The following CAMK1D variants were observed in gnomAD, a reference collection of about 807,000 sequenced individuals.
CAMK1D encodes the protein calcium/calmodulin dependent protein kinase ID, also known as calcium/calmodulin-dependent protein kinase type 1D.
A neutral mutation model predicts 47.7 loss-of-function variants in CAMK1D; 9 were observed. The observed-to-expected ratio is 0.19, with a 90% CI of 0.11 to 0.33. The LOEUF (loss-of-function observed/expected upper bound fraction) is 0.33. Among genes scored for constraint, CAMK1D ranks in the 10% least tolerant of loss-of-function variants. CAMK1D has a pLI of 1.00. For synonymous variants in CAMK1D, 184 were observed against 184.9 expected (o/e 0.99, Z 0.04); for missense variants, 291 against 488.7 (o/e 0.60, Z 3.81).
At chr10:12,619,074 T>C (rs921309555) in intron 2 of CAMK1D, among the ~76,000 whole-genome samples, 4 of 152,236 alleles carry the variant, frequency 2.6e-5, no homozygotes, top group African/African-American at 4.8e-5. Context: ...AATCTTTGCA[T>C]GTAGCAGGAG....
intron 1 of CAMK1D, among the ~76,000 whole-genome samples, chr10:12,478,437 G>T (rs1434327300): frequency 1.3e-5 from 2 of 152,022 alleles, no homozygotes; most frequent in Non-Finnish European, 2.9e-5. Flanking sequence ...GAGTACCTGG[G>T]ACTACAGACA....
chr10:12,516,730 C>T (rs1204761459), intron 1 of CAMK1D, among the ~76,000 whole-genome samples: 1 of 152,192 alleles, frequency 6.6e-6, no homozygotes, highest in Non-Finnish European at 1.5e-5. Context: ...TTTCAATTCC[C>T]TAATAACTTA....
intron 2 of CAMK1D, among the ~76,000 whole-genome samples, chr10:12,616,734 G>C (rs191281841): frequency 3.3e-5 from 5 of 152,236 alleles, no homozygotes; most frequent in Admixed American, 6.5e-5. Flanking sequence ...AGCCAGGATG[G>C]TCTCGATCTC....
chr10:12,572,674 C>T (rs1588647673), intron 2 of CAMK1D, among the ~76,000 whole-genome samples: 1 of 152,232 alleles, frequency 6.6e-6, no homozygotes, highest in East Asian at 1.9e-4. Flanking sequence ...CTCTGTCGCC[C>T]AGGCTGGAGT....
At chr10:12,377,152 C>A (rs1244748854) in intron 1 of CAMK1D, among the ~76,000 whole-genome samples, 1 of 152,046 alleles carries the variant, frequency 6.6e-6, no homozygotes, top group Non-Finnish European at 1.5e-5. Context: ...ATCCAGAGAA[C>A]CCTGAGATTT....
chr10:12,798,905 A>G (rs1838306341), intron 6 of CAMK1D, among the ~76,000 whole-genome samples: 1 of 152,216 alleles, frequency 6.6e-6, no homozygotes, highest in South Asian at 2.1e-4. Context: ...GGAGGTGCAC[A>G]GCAGCAGCAC....
intron 1 of CAMK1D, among the ~76,000 whole-genome samples, chr10:12,391,502 A>G (rs1466297100): frequency 1.3e-5 from 2 of 151,594 alleles, no homozygotes; most frequent in Non-Finnish European, 2.9e-5. Flanking sequence ...TGCCTGTGGA[A>G]ATTCATGCTG....
chr10:12,593,522 G>A (rs949958738), intron 2 of CAMK1D, among the ~76,000 whole-genome samples: 5 of 151,990 alleles, frequency 3.3e-5, no homozygotes, highest in African/African-American at 7.3e-5. Flanking sequence ...CCCGGGAGGC[G>A]GAGGTTGCGA....
chr10:12,488,765 C>T (rs374543539), intron 1 of CAMK1D, among the ~76,000 whole-genome samples: 66 of 152,194 alleles, frequency 4.3e-4, no homozygotes, highest in African/African-American at 1.5e-3. Flanking sequence ...ACCTAGATCC[C>T]TCGCGTGCGC....
intron 3 of CAMK1D, among the ~76,000 whole-genome samples, chr10:12,679,124 C>T (rs1013227771): frequency 6.6e-6 from 1 of 152,132 alleles, no homozygotes. Context: ...GCATTTTAGC[C>T]AATATGAGTG....
chr10:12,528,392 T>C (rs538457235), intron 1 of CAMK1D, among the ~76,000 whole-genome samples: 2 of 152,370 alleles, frequency 1.3e-5, no homozygotes, highest in East Asian at 3.9e-4. Context: ...GTCAGAATTA[T>C]ATTCATTCTG....
At chr10:12,384,969 A>G (rs1161380595) in intron 1 of CAMK1D, among the ~76,000 whole-genome samples, 1 of 152,246 alleles carries the variant, frequency 6.6e-6, no homozygotes, top group African/African-American at 2.4e-5. Context: ...AAGGATATGA[A>G]TAGGCATTTC....
intron 1 of CAMK1D, among the ~76,000 whole-genome samples, chr10:12,505,871 C>A (rs1189707140): frequency 6.6e-6 from 1 of 152,142 alleles, no homozygotes; most frequent in Non-Finnish European, 1.5e-5. Context: ...CCTCCTCCTC[C>A]TCCTCCTCCT....
chr10:12,751,980 A>G (rs544148508), intron 3 of CAMK1D, among the ~76,000 whole-genome samples: 1 of 150,786 alleles, frequency 6.6e-6, no homozygotes, highest in South Asian at 2.1e-4. Flanking sequence ...TCTTTCTTGG[A>G]TTATCTTTTT....
chr10:12,464,544 C>T (rs889001569), intron 1 of CAMK1D, among the ~76,000 whole-genome samples: 1 of 152,054 alleles, frequency 6.6e-6, no homozygotes, highest in Non-Finnish European at 1.5e-5. Context: ...GGCCGGGCGC[C>T]GTGGCTCATG....
intron 10 of CAMK1D, among the ~76,000 whole-genome samples, chr10:12,826,410 C>T (rs1305385103): frequency 6.6e-6 from 1 of 152,200 alleles, no homozygotes; most frequent in East Asian, 1.9e-4. Flanking sequence ...ATAATTTGAG[C>T]TCATTTATGT....
chr10:12,712,027 G>C (rs750675656), intron 3 of CAMK1D, among the ~76,000 whole-genome samples: 1 of 152,216 alleles, frequency 6.6e-6, no homozygotes, highest in Non-Finnish European at 1.5e-5. Context: ...ATCGGCAAAT[G>C]TATCAGCTGT....
intron 1 of CAMK1D, among the ~76,000 whole-genome samples, chr10:12,462,465 A>G (rs1166790579): frequency 9.5e-6 from 1 of 105,132 alleles, no homozygotes; most frequent in African/African-American, 3.5e-5. Flanking sequence ...CGCCTGGCCA[A>G]GAATTTTTTT....
At chr10:12,663,808 T>G (rs1419353663) in intron 2 of CAMK1D, among the ~76,000 whole-genome samples, 6 of 152,202 alleles carry the variant, frequency 3.9e-5, no homozygotes, top group Admixed American at 6.6e-5. Context: ...TATGGCATTT[T>G]TTGAAAATAA....
Sources: gnomAD v4.1 joint callset for allele counts (sites outside exome capture counted in the v4.1 genomes callset) on GRCh38, gnomAD v4.1.1 for gene constraint, MANE v1.5 for transcripts, NCBI Gene and HGNC (gene_info 2026-07-23, HGNC 2026-07-21) for gene names.